Variants in MPZL1 observed in about 807,000 individuals in gnomAD.
The protein encoded by MPZL1 is myelin protein zero-like protein 1.
A neutral mutation model predicts 29.3 loss-of-function variants in MPZL1; 16 were observed. The ratio of observed to expected loss-of-function variants is 0.55; its 90% confidence interval spans 0.37 to 0.83. MPZL1 has a LOEUF of 0.83. Among genes scored for constraint, MPZL1 ranks in the 40% least tolerant of loss-of-function variants. The pLI is 0.00. For synonymous variants in MPZL1, 143 were observed against 132.0 expected (o/e 1.08, Z -0.57); for missense variants, 279 against 332.9 (o/e 0.84, Z 1.26).
intron 5 of MPZL1, among the ~76,000 whole-genome samples, chr1:167,780,720 G>A (rs1661479775): frequency 6.6e-6 from 1 of 152,166 alleles, no homozygotes; most frequent in Admixed American, 6.5e-5. Flanking sequence ...AAGTAGAGTG[G>A]TAGTTGTTGG....
chr1:167,767,990 T>C (rs1168914069), intron 2 of MPZL1, among the ~76,000 whole-genome samples: 2 of 152,080 alleles, frequency 1.3e-5, no homozygotes, highest in Admixed American at 1.3e-4. Context: ...GTTTCTGGTG[T>C]CTAGCTTTTT....
intron 1 of MPZL1, among the ~76,000 whole-genome samples, chr1:167,756,840 T>G (rs1054182830): frequency 5.9e-5 from 9 of 152,004 alleles, no homozygotes; most frequent in African/African-American, 2.2e-4. Flanking sequence ...TTTGCCCTCT[T>G]GGGGGTGCAG....
intron 1 of MPZL1, among the ~76,000 whole-genome samples, chr1:167,764,719 G>A (rs1362804418): frequency 6.6e-6 from 1 of 151,984 alleles, no homozygotes; most frequent in Non-Finnish European, 1.5e-5. Context: ...ATTAAAAATA[G>A]ACCATCAGGG....
rs1273984164 is a variant in MPZL1 at position 167,788,114 on chromosome 1, C to G, written c.*193C>G. ...TATTTAGTCATCCTGATATGAGGAG[C>G]CAGTGTTGCATGATGAAAAGATGGT... On this transcript the variant is annotated 3_prime_UTR_variant, in exon 6 of 6. Coordinates refer to ENST00000359523, the MANE Select transcript of MPZL1 (RefSeq NM_003953.6). The G allele has an allele frequency of 2.0e-6, 1 of 512,436 alleles. No homozygotes were observed. Among genetic ancestry groups the G allele is most frequent in the African/African-American group, 1.9e-5 (1 of 51,454 alleles). The allele number at this position is 512,436 out of a possible 1,614,324, so 31.7% of individuals were successfully genotyped here. A position where few individuals can be genotyped will look rare whatever the true frequency, so the allele number is the denominator to read the frequency against.
intron 1 of MPZL1, among the ~76,000 whole-genome samples, chr1:167,758,172 A>G (rs990622038): frequency 6.6e-6 from 1 of 151,660 alleles, no homozygotes; most frequent in Admixed American, 6.6e-5. Flanking sequence ...AAAAAAAAAG[A>G]TAAGGTTTTT....
In MPZL1 at chr1:167,788,237, T is replaced by G. The variant is rs1266188720; in HGVS notation, c.*316T>G. 3.3e-5 allele frequency: 9 copies of G among 270,012 alleles called. No individual in the cohort carries two copies. The highest frequency in any genetic ancestry group is 1.2e-3 in the Middle Eastern group (1 of 810). 16.7% of individuals were successfully genotyped at this position (270,012 alleles called of 1,614,324 possible). ...TTCAGAAACATTCCTTTCACCATCA[T>G]TTAGAAATGGTTTGCCTTAATGGAG... On this transcript the variant is annotated 3_prime_UTR_variant, in exon 6 of 6. Transcript: ENST00000359523.
At chr1:167,781,595 C>T (rs895363454) in intron 5 of MPZL1, among the ~76,000 whole-genome samples, 1 of 151,568 alleles carries the variant, frequency 6.6e-6, no homozygotes, top group Non-Finnish European at 1.5e-5. Context: ...AGATTTGTAG[C>T]ATTAACTGTT....
intron 5 of MPZL1, among the ~76,000 whole-genome samples, chr1:167,781,748 C>T (rs1010259993): frequency 6.6e-6 from 1 of 152,130 alleles, no homozygotes; most frequent in Non-Finnish European, 1.5e-5. Flanking sequence ...CTGACATTCT[C>T]ATTGTTTCCC....
At chr1:167,787,322 A>G (rs913611554) in intron 5 of MPZL1, 1 of 153,004 alleles carries the variant, frequency 6.5e-6, no homozygotes. Context: ...GTTTAAAACT[A>G]TACCTATTTG....
intron 1 of MPZL1, among the ~76,000 whole-genome samples, chr1:167,744,152 T>A (rs572022324): frequency 1.3e-5 from 2 of 152,218 alleles, no homozygotes; most frequent in African/African-American, 4.8e-5. Context: ...AAGTCGGTAC[T>A]ATTAGAATAA....
At chr1:167,734,185 G>T (rs1046508670) in intron 1 of MPZL1, among the ~76,000 whole-genome samples, 1 of 151,798 alleles carries the variant, frequency 6.6e-6, no homozygotes, top group Non-Finnish European at 1.5e-5. Context: ...GAACCCAGGA[G>T]GCAGAGCTTG....
chr1:167,754,158 C>T (rs998576804), intron 1 of MPZL1, among the ~76,000 whole-genome samples: 1 of 151,896 alleles, frequency 6.6e-6, no homozygotes, highest in Admixed American at 6.6e-5. Flanking sequence ...CCATGAGGCT[C>T]AGCTAATTTT....
At chr1:167,722,409 G>A (rs1179486885) in intron 1 of MPZL1, among the ~76,000 whole-genome samples, 167 bp downstream of exon 1, 2 of 152,204 alleles carry the variant, frequency 1.3e-5, no homozygotes, top group African/African-American at 4.8e-5. Flanking sequence ...TGGGGAACGC[G>A]GGCCTCCGCG....
intron 1 of MPZL1, among the ~76,000 whole-genome samples, chr1:167,723,724 C>A (rs1356788523): frequency 1.3e-5 from 2 of 152,138 alleles, no homozygotes; most frequent in African/African-American, 4.8e-5. Context: ...GTAATAGCCC[C>A]ATACAACTTG....
intron 5 of MPZL1, among the ~76,000 whole-genome samples, chr1:167,777,197 A>C (rs926559429): frequency 5.3e-5 from 8 of 152,222 alleles, no homozygotes; most frequent in African/African-American, 1.9e-4. Flanking sequence ...TATGGTTGTA[A>C]ATGAAGACAT....
At chr1:167,777,486 G>A (rs184786466) in intron 5 of MPZL1, among the ~76,000 whole-genome samples, 7 of 152,286 alleles carry the variant, frequency 4.6e-5, no homozygotes, top group Admixed American at 3.9e-4. Flanking sequence ...GGGCCCAGCT[G>A]TCTCACTCAA....
intron 1 of MPZL1, among the ~76,000 whole-genome samples, chr1:167,739,289 A>ATATATATATATATG (rs1396390532): frequency 1.8e-5 from 2 of 110,538 alleles, no homozygotes; most frequent in Non-Finnish European, 1.7e-5. Context: ...ATACATATAT[A>ATATATATATATATG]TATATATATA....
chr1:167,726,893 A>G (rs1235139586), intron 1 of MPZL1, among the ~76,000 whole-genome samples: 5 of 152,230 alleles, frequency 3.3e-5, no homozygotes, highest in Non-Finnish European at 7.3e-5. Context: ...GGCACTGTTT[A>G]TGTATGGGAT....
rs1660037608 is a variant in MPZL1 at position 167,722,019 on chromosome 1, AGCGCGGCGTGGAGGTGCCACCCG to A, written c.-126_-104del. On this transcript the variant is annotated 5_prime_UTR_variant, in exon 1 of 6. Transcript: ENST00000359523. ...AGCCGCGGCTGGGACCGGAGTGGGG[AGCGCGGCGTGGAGGTGCCACCCG>A]GCGCGGGTGGCGGAGAGATCAGAAG... 4.1e-5 allele frequency: 48 copies of A among 1,183,976 alleles called. No individual in the cohort carries two copies. Among genetic ancestry groups the A allele is most frequent in the Non-Finnish European group, 5.1e-5 (48 of 945,274 alleles). The allele number at this position is 1,183,976 out of a possible 1,614,324, so 73.3% of individuals were successfully genotyped here. A position where few individuals can be genotyped will look rare whatever the true frequency, so the allele number is the denominator to read the frequency against.
Sources: gnomAD v4.1 joint callset for allele counts (sites outside exome capture counted in the v4.1 genomes callset) on GRCh38, gnomAD v4.1.1 for gene constraint, MANE v1.5 for transcripts, NCBI Gene and HGNC (gene_info 2026-07-23, HGNC 2026-07-21) for gene names.